RBM20: variants seen among roughly 807,000 people sequenced by gnomAD.
RBM20 encodes RNA-binding protein 20.
A neutral mutation model predicts 110.1 loss-of-function variants in RBM20; 51 were observed. That is an observed-to-expected ratio of 0.46 (90% confidence interval 0.37 to 0.59). The LOEUF is 0.59. Among genes scored for constraint, RBM20 ranks in the 20% least tolerant of loss-of-function variants. RBM20 has a pLI of 0.00. For missense variants in RBM20, 1,512 were observed against 1,574.9 expected (o/e 0.96, Z 0.68); for synonymous variants, 589 against 618.2 (o/e 0.95, Z 0.70).
At chr10:110,834,927 C>T (rs1224411718) in intron 13 of RBM20, among the ~76,000 whole-genome samples, 1 of 152,192 alleles carries the variant, frequency 6.6e-6, no homozygotes, top group Non-Finnish European at 1.5e-5. Context: ...CCAGTCATAG[C>T]AGTGAGTGTT....
chr10:110,696,505 A>G (rs148460710), intron 1 of RBM20, among the ~76,000 whole-genome samples: 1 of 152,338 alleles, frequency 6.6e-6, no homozygotes, highest in African/African-American at 2.4e-5. Context: ...TGAGCAGTGC[A>G]CAGTCCTCAT....
intron 1 of RBM20, among the ~76,000 whole-genome samples, chr10:110,648,530 A>G (rs548537951): frequency 1.3e-5 from 2 of 152,350 alleles, no homozygotes; most frequent in South Asian, 4.2e-4. Context: ...TTCTGGAAAG[A>G]GGATGGAATT....
At chr10:110,715,605 T>C (rs1863003532) in intron 1 of RBM20, among the ~76,000 whole-genome samples, 1 of 152,242 alleles carries the variant, frequency 6.6e-6, no homozygotes, top group African/African-American at 2.4e-5. Context: ...ACAAAAATTT[T>C]ATTTCTCACT....
chr10:110,763,751 CTTTTTTTTTTT>C (rs56845100), intron 1 of RBM20, among the ~76,000 whole-genome samples: 1 of 64,384 alleles, frequency 1.6e-5, no homozygotes, highest in Non-Finnish European at 2.9e-5. Context: ...GGCTTCTTGG[CTTTTTTTTTTT>C]TTTTTTTTTT....
intron 12 of RBM20, 139 bp from the exon 13 acceptor site, chr10:110,830,922 G>A: frequency 2.6e-6 from 2 of 779,366 alleles, no homozygotes; most frequent in South Asian, 2.0e-5. Flanking sequence ...GCTTGGAGAA[G>A]CTCAGTAACC....
intron 1 of RBM20, among the ~76,000 whole-genome samples, chr10:110,730,031 T>C (rs1265064909): frequency 6.6e-6 from 1 of 152,160 alleles, no homozygotes; most frequent in East Asian, 1.9e-4. Context: ...TTGGTTAGGC[T>C]GGTCTCAAAC....
upstream of RBM20, among the ~76,000 whole-genome samples, chr10:110,643,667 A>G (rs1261462423): frequency 6.6e-6 from 1 of 152,228 alleles, no homozygotes; most frequent in Non-Finnish European, 1.5e-5. Flanking sequence ...CCAGAAACCC[A>G]CGGTGGCCCC....
At position 110,820,143 on chromosome 10, in the gene RBM20, G is replaced by A; in HGVS notation, c.2622G>A (p.Glu874=). The A allele has an allele frequency of 6.4e-7, 1 of 1,551,530 alleles. No individual in the cohort carries two copies. Among genetic ancestry groups the A allele is most frequent in the Non-Finnish European group, 8.7e-7 (1 of 1,146,816 alleles). Reference sequence around the variant, plus strand: ...TGGGCAGACAGGAGAAAGAAGCAGAGTTCTCTGATCCGGAAAACACAAGGA... The same window carrying A: ...TGGGCAGACAGGAGAAAGAAGCAGAATTCTCTGATCCGGAAAACACAAGGA... The part of the protein sequence containing the change: ...QSVGRQEKEA[E]FSDPENTRTK... Residue 874 remains glutamate (E), a synonymous_variant, in exon 10 of 14, where the codon GAG becomes GAA. Transcript: ENST00000369519.
At chr10:110,737,193 A>AAAAAAAAAAAAAAAAAC (rs796374212) in intron 1 of RBM20, among the ~76,000 whole-genome samples, 20 of 116,512 alleles carry the variant, frequency 1.7e-4, no homozygotes, top group East Asian at 5.3e-4. Context: ...AAAAAAAAAA[A>AAAAAAAAAAAAAAAAAC]AAAACACCCC....
rs541330074 is a variant in RBM20, at chr10:110,810,440, G to A, written c.1858G>A (p.Asp620Asn). The change falls in exon 8 of 14, where the codon GAC becomes AAC. Residue 620 changes from aspartate (D) to asparagine (N), a missense_variant. Physicochemically the swap from Asp to Asn is conservative, Grantham distance 23. Around this residue, in one of 3 missense-constraint regions of RBM20, gnomAD observed 1,149 missense variants for 1,169.4 expected, o/e 0.98. Coordinates refer to ENST00000369519, the MANE Select transcript of RBM20 (RefSeq NM_001134363.3). ...GGACATCCATTCCCAGAGGGAGAGG[G>A]ACATGTTCCGGGAAGCAGACAGGTG... is the stretch of plus-strand genomic sequence containing the variant. Reference protein sequence around the residue: ...IQDIHSQRERDMFREADRYGP... With the variant: ...IQDIHSQRERNMFREADRYGP... 31 of 1,551,504 alleles carry A rather than the reference G, an allele frequency of 2.0e-5. No homozygotes were observed. In the African/African-American group the frequency reaches 4.0e-4, roughly 20 times the overall value.
At chr10:110,660,480 G>A (rs1862086761) in intron 1 of RBM20, among the ~76,000 whole-genome samples, 1 of 152,190 alleles carries the variant, frequency 6.6e-6, no homozygotes, top group Admixed American at 6.5e-5. Context: ...CACAGCAGGA[G>A]GTGAGCGGTG....
intron 9 of RBM20, among the ~76,000 whole-genome samples, chr10:110,814,894 T>G (rs1844819920): frequency 6.6e-6 from 1 of 152,204 alleles, no homozygotes; most frequent in African/African-American, 2.4e-5. Flanking sequence ...TAGGGCATAT[T>G]AGGGATAATG....
intron 1 of RBM20, among the ~76,000 whole-genome samples, chr10:110,671,018 C>T (rs1862249814): frequency 6.6e-6 from 1 of 152,200 alleles, no homozygotes; most frequent in African/African-American, 2.4e-5. Context: ...GGCATTGGCG[C>T]TGCCAAAGAA....
At chr10:110,684,414 C>CAAAACAAAAA (rs1862468907) in intron 1 of RBM20, among the ~76,000 whole-genome samples, 1 of 150,428 alleles carries the variant, frequency 6.6e-6, no homozygotes, top group Non-Finnish European at 1.5e-5. Flanking sequence ...CAAAACAAAA[C>CAAAACAAAAA]AAAACAAAAC....
At chr10:110,808,368 G>A (rs1844721800) in intron 7 of RBM20, among the ~76,000 whole-genome samples, 1 of 152,244 alleles carries the variant, frequency 6.6e-6, no homozygotes, top group Admixed American at 6.5e-5. Flanking sequence ...TGGCTGAGGT[G>A]CTGGAGGCCA....
In RBM20 at chr10:110,644,461, C is replaced by G; in HGVS notation, c.7C>G (p.Leu3Val). 6.6e-7 allele frequency: 1 copy of G among 1,510,860 alleles called. No individual in the cohort carries two copies. Among genetic ancestry groups the G allele is most frequent in the Non-Finnish European group, 8.8e-7 (1 of 1,134,548 alleles). 93.6% of individuals were successfully genotyped at this position (1,510,860 alleles called of 1,614,324 possible). MVLAAAMSQDADP... is the reference protein window; with the variant it reads MVVAAAMSQDADP... ...CGGGCGGGTCTCGCCCCGCATGGTG[C>G]TGGCAGCAGCCATGAGCCAGGACGC... The change falls in exon 1 of 14, where the codon CTG (leucine) becomes GTG (valine). Residue 3 changes from leucine (L) to valine (V), a missense_variant. Leu to Val is a conservative substitution (Grantham distance 32, BLOSUM62 1). Coordinates refer to ENST00000369519, the MANE Select transcript of RBM20 (RefSeq NM_001134363.3). This position sits in a 1 kb window ranked among gnomAD's most constrained non-coding sequence, Gnocchi z 4.3.
Position 110,746,642 on chromosome 10 carries a change from A to G in RBM20, c.192-34159A>G, listed in dbSNP as rs142239691. ...AGCTGTGGGAATTCTATGATTTTGC[A>G]CAGCTGGATTGGGAGCAGGCAGTGC... On this transcript the variant is annotated intron_variant, in intron 1 of 13. Coordinates refer to ENST00000369519, the MANE Select transcript of RBM20 (RefSeq NM_001134363.3). Among the ~76,000 whole-genome samples, 923 of 152,314 alleles carry G rather than the reference A, an allele frequency of 6.1e-3. 10 individuals carry two copies. Among genetic ancestry groups the G allele is most frequent in the African/African-American group, 0.022 (896 of 41,578 alleles).
chr10:110,780,894 G>A lies in RBM20; in HGVS notation c.285G>A (p.Gln95=). 1 of 1,551,278 alleles carries A rather than the reference G, an allele frequency of 6.4e-7. No individual in the cohort carries two copies. Among genetic ancestry groups the A allele is most frequent in the Non-Finnish European group, 8.7e-7 (1 of 1,146,634 alleles). Residue 95 remains glutamine (Q), a synonymous_variant, in exon 2 of 14, where the codon CAG becomes CAA. Coordinates refer to ENST00000369519, the MANE Select transcript of RBM20 (RefSeq NM_001134363.3). ...CCAGTCTCCAGCTGGCTCAACTGCA[G>A]GCCCAGCTCACCCTCCACCGGCTGA... ...SPASLQLAQL[Q]AQLTLHRLKL...
chr10:110,821,822 C>T lies in RBM20; in HGVS notation c.3203C>T (p.Thr1068Ile), dbSNP rs1025258651. ...QPSPFVDDCK[T>I]RGTPEDGACE... ...AGCCCATTTGTGGATGATTGCAAGA[C>T]CAGGGGGACCCCCGAAGATGGGGCT... is the stretch of plus-strand genomic sequence containing the variant. The change falls in exon 11 of 14, where the codon ACC becomes ATC. Residue 1068 changes from threonine to isoleucine, a missense_variant. By Grantham distance (89) the Thr-to-Ile change is moderately conservative. This residue lies in a region of RBM20 where 358 missense variants were observed against 384.2 expected (regional missense o/e 0.93). Transcript: ENST00000369519. 2 of 1,551,710 alleles carry T rather than the reference C, an allele frequency of 1.3e-6. No individual in the cohort carries two copies. The highest frequency in any genetic ancestry group is 1.7e-6 in the Non-Finnish European group (2 of 1,147,000).
Sources: allele counts gnomAD v4.1 joint callset (sites outside exome capture counted in the v4.1 genomes callset), GRCh38; gene constraint gnomAD v4.1.1; regional missense constraint gnomAD v4.1.1; non-coding constraint Gnocchi (gnomAD v3.1); transcripts MANE v1.5; gene names NCBI Gene and HGNC (gene_info 2026-07-23, HGNC 2026-07-21).